The following HSF2 variants were observed in gnomAD, a reference collection of about 807,000 sequenced individuals.
The protein encoded by HSF2 is heat shock factor protein 2.
Under a neutral mutation model 65.0 loss-of-function variants are expected in HSF2, and 21 were observed. The observed-to-expected ratio is 0.32, with a 90% CI of 0.23 to 0.47. HSF2 has a LOEUF of 0.47. Among genes scored for constraint, HSF2 ranks in the 20% least tolerant of loss-of-function variants. The pLI is 1.00. For synonymous variants in HSF2, 225 were observed against 219.1 expected (o/e 1.03, Z -0.24); for missense variants, 499 against 628.1 (o/e 0.79, Z 2.20).
chr6:122,412,341 T>C (rs757425539), intron 1 of HSF2, 32 bp from the exon 2 acceptor site: 31 of 1,295,906 alleles, frequency 2.4e-5, no homozygotes, highest in Non-Finnish European at 2.9e-5. Flanking sequence ...ACTTAACTAA[T>C]TTACTTTTTC....
At chr6:122,427,707 C>G (rs911770874) in intron 10 of HSF2, among the ~76,000 whole-genome samples, 196 bp from the exon 11 acceptor site, 13 of 152,042 alleles carry the variant, frequency 8.6e-5, no homozygotes, top group African/African-American at 2.4e-4. Flanking sequence ...GAAATTTTAT[C>G]TAATGCATGG....
Position 122,413,525 on chromosome 6 carries a change from G to A in HSF2, c.331G>A (p.Val111Ile), listed in dbSNP as rs537467284. 403 of 1,562,744 alleles carry A rather than the reference G, an allele frequency of 2.6e-4. 5 individuals are homozygous for A. The South Asian group carries it at 4.1e-3, about 16-fold the overall frequency. The change falls in exon 4 of 13, where the codon GTT (valine) becomes ATT (isoleucine). Residue 111 changes from valine to isoleucine, a missense_variant and splice_region_variant. By Grantham distance (29) the Val-to-Ile change is conservative. Coordinates refer to ENST00000368455, the MANE Select transcript of HSF2 (RefSeq NM_004506.4). ...DDLLENIKRK[V>I]SSSKPEENKI... Reference sequence around the variant, plus strand: ...ATTTTCTAAATTTACTTTTTCAAAGGTTTCATCTTCAAAACCAGAAGAAAA... The same window carrying A: ...ATTTTCTAAATTTACTTTTTCAAAGATTTCATCTTCAAAACCAGAAGAAAA...
upstream of HSF2, chr6:122,399,556 T>A: frequency 1.8e-6 from 1 of 565,502 alleles, no homozygotes; most frequent in Non-Finnish European, 3.1e-6. Flanking sequence ...CGGAGACTTG[T>A]CCGTCACGTG....
intron 7 of HSF2, 55 bp from the exon 8 acceptor site, chr6:122,422,092 CTTG>C: frequency 8.2e-7 from 1 of 1,213,478 alleles, no homozygotes; most frequent in Non-Finnish European, 1.2e-6. Context: ...TAGATGATAT[CTTG>C]TTTGGTAGTC....
intron 1 of HSF2, among the ~76,000 whole-genome samples, chr6:122,411,624 C>G (rs1018272789): frequency 6.6e-6 from 1 of 151,898 alleles, no homozygotes; most frequent in Non-Finnish European, 1.5e-5. Context: ...AGATAAGGGT[C>G]TAACTTCATT....
intron 5 of HSF2, among the ~76,000 whole-genome samples, chr6:122,417,163 TA>T (rs1207566556): frequency 6.6e-6 from 1 of 151,728 alleles, no homozygotes; most frequent in East Asian, 1.9e-4. Context: ...TTTTTTTTTT[TA>T]AAGTGTGCAA....
chr6:122,416,275 A>G lies in HSF2; in HGVS notation c.510A>G (p.Gln170=), dbSNP rs1001468193. The change falls in exon 5 of 13, where the codon CAA becomes CAG. Residue 170 remains glutamine, a synonymous_variant. Transcript: ENST00000368455. The part of the protein sequence containing the change: ...EVSELRAKHA[Q]QQQVIRKIVQ... ...CAGAATTACGAGCAAAGCATGCACA[A>G]CAGCAACAAGTTATTCGAAAGGTAA... The G allele has an allele frequency of 1.2e-6, 2 of 1,611,320 alleles. No homozygotes were observed. Among genetic ancestry groups the G allele is most frequent in the Non-Finnish European group, 1.7e-6 (2 of 1,177,596 alleles).
chr6:122,419,131 A>C, intron 5 of HSF2, 37 bp from the exon 6 acceptor site: 1 of 952,650 alleles, frequency 1.0e-6, no homozygotes, highest in East Asian at 2.5e-5. Flanking sequence ...AAGAATTAAC[A>C]GTATAATGAA....
At chr6:122,417,395 A>AT (rs910149571) in intron 5 of HSF2, among the ~76,000 whole-genome samples, 26 of 150,614 alleles carry the variant, frequency 1.7e-4, no homozygotes, top group Admixed American at 2.7e-4. Flanking sequence ...TAATGTGTAG[A>AT]TTTTTTTTTT....
At chr6:122,409,822 T>G (rs1479667334) in intron 1 of HSF2, among the ~76,000 whole-genome samples, 2 of 151,984 alleles carry the variant, frequency 1.3e-5, no homozygotes, top group Non-Finnish European at 2.9e-5. Context: ...CTGGGTTTAT[T>G]ATGTCATGTC....
chr6:122,416,285 G>C lies in HSF2; in HGVS notation c.520G>C (p.Val174Leu). Residue 174 changes from valine (V) to leucine (L), a missense_variant, in exon 5 of 13, where the codon GTT (valine) becomes CTT (leucine). Physicochemically the swap from Val to Leu is conservative, Grantham distance 32. Around this residue, in one of 2 missense-constraint regions of HSF2, gnomAD observed 150 missense variants for 234.6 expected, o/e 0.64. Coordinates refer to ENST00000368455, the MANE Select transcript of HSF2 (RefSeq NM_004506.4). ...AGCAAAGCATGCACAACAGCAACAA[G>C]TTATTCGAAAGGTAAGAAGCTCTTT... ...LRAKHAQQQQ[V>L]IRKIVQFIVT... 1 of 1,610,252 alleles carries C rather than the reference G, an allele frequency of 6.2e-7. No homozygotes were observed. Among genetic ancestry groups the C allele is most frequent in the Non-Finnish European group, 8.5e-7 (1 of 1,176,702 alleles).
At chr6:122,403,285 A>G (rs1296076947) in intron 1 of HSF2, among the ~76,000 whole-genome samples, 1 of 152,214 alleles carries the variant, frequency 6.6e-6, no homozygotes, top group Non-Finnish European at 1.5e-5. Flanking sequence ...AATAATAGAA[A>G]TGCCTTAATT....
intron 7 of HSF2, among the ~76,000 whole-genome samples, chr6:122,421,633 TA>T (rs995432595): frequency 1.3e-5 from 2 of 151,314 alleles, no homozygotes; most frequent in Admixed American, 6.6e-5. Context: ...AGCTTAAGTT[TA>T]AAAAAAAATC....
At position 122,431,491 on chromosome 6, in the gene HSF2, G is replaced by A; in HGVS notation, c.1292G>A (p.Gly431Glu). ...NNVVQPVSEE[G>E]RKSKSKPDKQ... Reference sequence around the variant, plus strand: ...GTAGTTCAGCCAGTTTCGGAAGAGGGAAGAAAATCTAAATCCAAACCAGGT... The same window carrying A: ...GTAGTTCAGCCAGTTTCGGAAGAGGAAAGAAAATCTAAATCCAAACCAGGT... The change falls in exon 12 of 13, where the codon GGA becomes GAA. Residue 431 changes from glycine (G) to glutamate (E), a missense_variant. Gly to Glu is a moderately conservative substitution (Grantham distance 98). This residue lies in a region of HSF2 where 349 missense variants were observed against 393.5 expected (regional missense o/e 0.89). Coordinates refer to ENST00000368455, the MANE Select transcript of HSF2 (RefSeq NM_004506.4). 1 of 1,588,446 alleles carries A rather than the reference G, an allele frequency of 6.3e-7. No individual in the cohort carries two copies. The highest frequency in any genetic ancestry group is 8.6e-7 in the Non-Finnish European group (1 of 1,161,900).
rs1338321007 is a variant in HSF2 at position 122,423,603 on chromosome 6, G to A, written c.1093G>A (p.Asp365Asn). Residue 365 changes from aspartate to asparagine, a missense_variant, in exon 10 of 13, where the codon GAC becomes AAC. Coordinates refer to ENST00000368455, the MANE Select transcript of HSF2 (RefSeq NM_004506.4). The stretch of plus-strand genomic sequence containing the variant: ...TAGGGTTGAGCTGTTGGATTATCTT[G>A]ACAGTATTGACTGCAGTTTAGAGGA... ...LGKVELLDYL[D>N]SIDCSLEDFQ... 6.2e-7 allele frequency: 1 copy of A among 1,606,670 alleles called. No individual in the cohort carries two copies. The highest frequency in any genetic ancestry group is 2.2e-5 in the East Asian group (1 of 44,696).
In HSF2 at chr6:122,432,313, T is replaced by A. The variant is rs1774493777; in HGVS notation, c.*93T>A. 10 of 1,066,684 alleles carry A rather than the reference T, an allele frequency of 9.4e-6. No homozygotes were observed. The South Asian group carries it at 1.6e-4, about 17-fold the overall frequency. The allele number at this position is 1,066,684 out of a possible 1,614,324, so 66.1% of individuals were successfully genotyped here. On this transcript the variant is annotated 3_prime_UTR_variant, in exon 13 of 13. Coordinates refer to ENST00000368455, the MANE Select transcript of HSF2 (RefSeq NM_004506.4). ...ATTTGGTACTTTTTTTGTAAATTGCTTTGTTTTGTTTAATCAGATACTGTG... is the reference window on the plus strand; with the variant it reads ...ATTTGGTACTTTTTTTGTAAATTGCATTGTTTTGTTTAATCAGATACTGTG...
chr6:122,417,121 G>A (rs1048682189), intron 5 of HSF2, among the ~76,000 whole-genome samples: 2 of 151,760 alleles, frequency 1.3e-5, no homozygotes, highest in Non-Finnish European at 2.9e-5. Flanking sequence ...GTTGCAGCCT[G>A]TAGCCTAGTC....
Position 122,432,455 on chromosome 6 carries a change from G to T in HSF2, c.*235G>T. 2 of 385,482 alleles carry T rather than the reference G, an allele frequency of 5.2e-6. No individual in the cohort carries two copies. The highest frequency in any genetic ancestry group is 9.3e-6 in the Non-Finnish European group (2 of 215,358). 23.9% of individuals were successfully genotyped at this position (385,482 alleles called of 1,614,324 possible). Reference sequence around the variant, plus strand: ...CACATTATTGGCGTATCTTTAAGTTGGATTCAAATGGCCATTTTTCTCCAA... The same window carrying T: ...CACATTATTGGCGTATCTTTAAGTTTGATTCAAATGGCCATTTTTCTCCAA... On this transcript the variant is annotated 3_prime_UTR_variant, in exon 13 of 13. Coordinates refer to ENST00000368455, the MANE Select transcript of HSF2 (RefSeq NM_004506.4).
intron 1 of HSF2, among the ~76,000 whole-genome samples, chr6:122,401,191 TA>T (rs1773722663): frequency 6.6e-6 from 1 of 152,234 alleles, no homozygotes; most frequent in Non-Finnish European, 1.5e-5. Flanking sequence ...ATTAAGCATT[TA>T]ATGAATTCTG....
Sources: allele counts gnomAD v4.1 joint callset (sites outside exome capture counted in the v4.1 genomes callset), GRCh38; gene constraint gnomAD v4.1.1; regional missense constraint gnomAD v4.1.1; transcripts MANE v1.5; gene names NCBI Gene and HGNC (gene_info 2026-07-23, HGNC 2026-07-21).